EFCAB7: variants seen among roughly 807,000 people sequenced by gnomAD.
EFCAB7 encodes EF-hand calcium-binding domain-containing protein 7.
Under a neutral mutation model 77.1 loss-of-function variants are expected in EFCAB7, and 66 were observed. The observed-to-expected ratio is 0.86, with a 90% CI of 0.70 to 1.05. The LOEUF (loss-of-function observed/expected upper bound fraction) is 1.05, where lower values mean the gene tolerates loss of function less well. Ranked by LOEUF, EFCAB7 falls within the 50% of genes least tolerant of loss-of-function variation. EFCAB7 has a pLI of 0.00. For synonymous variants in EFCAB7, 225 were observed against 243.3 expected (o/e 0.92, Z 0.70); for missense variants, 638 against 730.5 (o/e 0.87, Z 1.46).
At chr1:63,573,041 G>A (rs758684940), downstream of EFCAB7, among the ~76,000 whole-genome samples, 130 of 152,268 alleles carry the variant, frequency 8.5e-4, no homozygotes, top group Admixed American at 4.3e-3. Flanking sequence ...CGGCCATCTC[G>A]ATGTGTACGT....
At chr1:63,553,567 T>C (rs370662273) in intron 8 of EFCAB7, among the ~76,000 whole-genome samples, 13 of 152,306 alleles carry the variant, frequency 8.5e-5, no homozygotes, top group African/African-American at 3.1e-4. Flanking sequence ...CTCGATCTCT[T>C]GACCTCATGA....
At chr1:63,538,110 T>G (rs2100882125) in intron 6 of EFCAB7, among the ~76,000 whole-genome samples, 1 of 151,994 alleles carries the variant, frequency 6.6e-6, no homozygotes, top group East Asian at 1.9e-4. Context: ...CAGTTTGCAC[T>G]TATATGAATT....
the EFCAB7 span, among the ~76,000 whole-genome samples, chr1:63,580,919 T>C: frequency 1.3e-5 from 2 of 152,040 alleles, no homozygotes; most frequent in Non-Finnish European, 2.9e-5. Flanking sequence ...CTGAGACCCT[T>C]GTTAAACTCA....
At chr1:63,533,341 G>GGGAAA in intron 4 of EFCAB7, 113 bp from the exon 5 acceptor site, 1 of 734,434 alleles carries the variant, frequency 1.4e-6, no homozygotes, top group East Asian at 2.9e-5. Context: ...CCATCAATAG[G>GGGAAA]AAATATATTC....
At chr1:63,580,528 T>C in the EFCAB7 span, among the ~76,000 whole-genome samples, 1 of 152,208 alleles carries the variant, frequency 6.6e-6, no homozygotes, top group African/African-American at 2.4e-5. Context: ...AATGGTACTG[T>C]TCTTTTCCAG....
At chr1:63,562,444 T>TA in intron 11 of EFCAB7, among the ~76,000 whole-genome samples, 1 of 29,904 alleles carries the variant, frequency 3.3e-5, no homozygotes, top group African/African-American at 1.3e-4. Context: ...GCCTTCTTAA[T>TA]TTATTTATAT....
chr1:63,571,008 C>CTTT lies in EFCAB7; in HGVS notation c.1708-8_1708-6dup. ...AGAAAGGAATAGCAGCTTATGAAAT[C>CTTT]TTTTTTTAATAGTCAGATGAGAAAG... On this transcript the variant is annotated splice_polypyrimidine_tract_variant and intron_variant, in intron 12 of 13. Coordinates refer to ENST00000371088, the MANE Select transcript of EFCAB7 (RefSeq NM_032437.4). The CTTT allele has an allele frequency of 6.4e-7, 1 of 1,567,368 alleles. No homozygotes were observed. Among genetic ancestry groups the CTTT allele is most frequent in the Non-Finnish European group, 8.7e-7 (1 of 1,149,894 alleles).
At chr1:63,575,389 A>G (rs1178376521), downstream of EFCAB7, among the ~76,000 whole-genome samples, 1 of 152,082 alleles carries the variant, frequency 6.6e-6, no homozygotes, top group Non-Finnish European at 1.5e-5. Flanking sequence ...TATATACTAC[A>G]CTAATATTTT....
In EFCAB7 at chr1:63,551,737, C is replaced by T. The variant is rs1420583833; in HGVS notation, c.959C>T (p.Pro320Leu). ...NLSQVEGKPS[P>L]WLSVDTALYI... ...TTTTTGTTTGTAGGAAAACCATCCC[C>T]TTGGTTATCCGTTGATACTGCCTTG... The change falls in exon 8 of 14, where the codon CCT becomes CTT. Residue 320 changes from proline to leucine, a missense_variant. Transcript: ENST00000371088. The T allele has an allele frequency of 2.6e-6, 4 of 1,537,928 alleles. No homozygotes were observed. The highest frequency in any genetic ancestry group is 1.3e-5 in the South Asian group (1 of 74,412).
intron 12 of EFCAB7, chr1:63,569,076 TAGTC>T (rs1647203061): frequency 1.3e-5 from 2 of 152,152 alleles, no homozygotes; most frequent in African/African-American, 4.8e-5. Context: ...CATAAATTCT[TAGTC>T]AGAAATATCC....
intron 7 of EFCAB7, chr1:63,548,707 A>C (rs1278595190): frequency 6.6e-6 from 1 of 152,120 alleles, no homozygotes; most frequent in African/African-American, 2.4e-5. Flanking sequence ...CTTGGATTTT[A>C]AGCTTATAGT....
At chr1:63,532,315 T>G (rs1646707575) in intron 3 of EFCAB7, among the ~76,000 whole-genome samples, 1 of 152,094 alleles carries the variant, frequency 6.6e-6, no homozygotes, top group South Asian at 2.1e-4. Context: ...CCATATGTGA[T>G]AAGTAAAAGG....
intron 6 of EFCAB7, among the ~76,000 whole-genome samples, chr1:63,541,098 CAT>C (rs1646823691): frequency 6.6e-6 from 1 of 152,078 alleles, no homozygotes; most frequent in South Asian, 2.1e-4. Context: ...ATAATAAACA[CAT>C]GAGGGAAATG....
chr1:63,562,299 G>A (rs1417688034), intron 11 of EFCAB7, among the ~76,000 whole-genome samples: 1 of 151,174 alleles, frequency 6.6e-6, no homozygotes, highest in Non-Finnish European at 1.5e-5. Flanking sequence ...TAAAACACTT[G>A]GAACAGTGGC....
rs1253802940 is a variant in EFCAB7, at chr1:63,551,722, T to C, written c.947-3T>C. The C allele has an allele frequency of 1.3e-6, 2 of 1,496,574 alleles. No individual in the cohort carries two copies. Among genetic ancestry groups the C allele is most frequent in the Non-Finnish European group, 8.9e-7 (1 of 1,117,512 alleles). 92.7% of individuals were successfully genotyped at this position (1,496,574 alleles called of 1,614,324 possible). On this transcript the variant is annotated splice_region_variant and splice_polypyrimidine_tract_variant and intron_variant, in intron 7 of 13. Transcript: ENST00000371088. ...GTGTTTGGGCTTTTTTTTTTGTTTG[T>C]AGGAAAACCATCCCCTTGGTTATCC...
At chr1:63,576,363 C>T (rs56352532), downstream of EFCAB7, among the ~76,000 whole-genome samples, 1,929 of 151,742 alleles carry the variant, frequency 0.013, 44 homozygotes, top group African/African-American at 0.045. Flanking sequence ...GCCTGTAATC[C>T]CAGCTACTTG....
chr1:63,526,909 T>G (rs931941871), intron 2 of EFCAB7, among the ~76,000 whole-genome samples: 1 of 152,128 alleles, frequency 6.6e-6, no homozygotes, highest in Non-Finnish European at 1.5e-5. Flanking sequence ...AGATTACAGT[T>G]GCACGCCACC....
the EFCAB7 span, among the ~76,000 whole-genome samples, chr1:63,580,086 T>C: frequency 6.6e-6 from 1 of 152,186 alleles, no homozygotes; most frequent in Non-Finnish European, 1.5e-5. Flanking sequence ...GTCCAATTAA[T>C]CAGTTTTTCA....
At chr1:63,576,427 C>A (rs567944472), downstream of EFCAB7, among the ~76,000 whole-genome samples, 1 of 152,158 alleles carries the variant, frequency 6.6e-6, no homozygotes, top group Non-Finnish European at 1.5e-5. Context: ...TTTCAGTGAG[C>A]TGAGATCGCA....
Sources: gnomAD v4.1 joint callset for allele counts (sites outside exome capture counted in the v4.1 genomes callset) on GRCh38, gnomAD v4.1.1 for gene constraint, MANE v1.5 for transcripts, NCBI Gene and HGNC (gene_info 2026-07-23, HGNC 2026-07-21) for gene names.